USH2A: variants seen among roughly 807,000 people sequenced by gnomAD.
USH2A encodes the protein usherin.
A neutral mutation model predicts 538.9 loss-of-function variants in USH2A; 443 were observed. The ratio of observed to expected loss-of-function variants is 0.82; its 90% confidence interval spans 0.76 to 0.89. The LOEUF (loss-of-function observed/expected upper bound fraction) is 0.89. USH2A is among the 40% of genes least tolerant of loss of function. USH2A has a pLI of 0.00. For synonymous variants in USH2A, 2,413 were observed against 2,273.5 expected (o/e 1.06, Z -1.75); for missense variants, 6,633 against 6,324.8 (o/e 1.05, Z -1.65).
chr1:216,233,345 G>A (rs180789572), intron 13 of USH2A, among the ~76,000 whole-genome samples: 20 of 152,200 alleles, frequency 1.3e-4, no homozygotes, highest in Middle Eastern at 6.8e-3. Flanking sequence ...GTCAGGTCTC[G>A]TGACTTCCTC....
At chr1:216,121,138 A>C (rs915518044) in intron 21 of USH2A, among the ~76,000 whole-genome samples, 2 of 152,188 alleles carry the variant, frequency 1.3e-5, no homozygotes, top group African/African-American at 4.8e-5. Context: ...CATAGCCAAT[A>C]ATATATATTA....
intron 61 of USH2A, among the ~76,000 whole-genome samples, chr1:215,689,895 A>T (rs1415360480): frequency 1.3e-5 from 2 of 152,220 alleles, no homozygotes; most frequent in African/African-American, 4.8e-5. Flanking sequence ...GAGACTCTTG[A>T]CAAAGGGGAA....
chr1:215,625,637 T>G lies in USH2A; in HGVS notation c.*144A>C. Reference sequence around the variant, plus strand: ...TTAGACCTCTATTAGGAAGGAACACTTTCAAAAACAGTCATCATTTCTTTA... The same window carrying G: ...TTAGACCTCTATTAGGAAGGAACACGTTCAAAAACAGTCATCATTTCTTTA... On this transcript the variant is annotated 3_prime_UTR_variant, in exon 72 of 72. Transcript: ENST00000307340. 1.3e-6 allele frequency: 1 copy of G among 787,422 alleles called. No individual in the cohort carries two copies. The highest frequency in any genetic ancestry group is 2.2e-6 in the Non-Finnish European group (1 of 454,220). The allele number at this position is 787,422 out of a possible 1,614,324, so 48.8% of individuals were successfully genotyped here.
chr1:216,093,173 C>G (rs2032346517), intron 22 of USH2A, among the ~76,000 whole-genome samples: 2 of 151,926 alleles, frequency 1.3e-5, no homozygotes, highest in African/African-American at 4.8e-5. Flanking sequence ...CCATCTTAGC[C>G]AGGCTGGTCT....
At chr1:216,400,057 A>G (rs1349599216) in intron 3 of USH2A, among the ~76,000 whole-genome samples, 1 of 152,160 alleles carries the variant, frequency 6.6e-6, no homozygotes, top group African/African-American at 2.4e-5. Context: ...ACTTGAATGA[A>G]AGAAGAAGAT....
intron 14 of USH2A, among the ~76,000 whole-genome samples, chr1:216,224,437 G>A (rs997706654): frequency 1.2e-4 from 19 of 152,090 alleles, no homozygotes; most frequent in African/African-American, 4.6e-4. Flanking sequence ...TTTCGATACT[G>A]ATTAAATCAT....
At chr1:216,076,270 C>T (rs534242977) in intron 27 of USH2A, among the ~76,000 whole-genome samples, 1 of 152,208 alleles carries the variant, frequency 6.6e-6, no homozygotes, top group South Asian at 2.1e-4. Flanking sequence ...TGTTTTGAGA[C>T]CACTGATATG....
Position 215,680,464 on chromosome 1 carries a change from C to A in USH2A, c.12067-88G>T. ...AAAGTCATTCTCTGAACCTCATGGC[C>A]AAAGCTTGTAGGCAACAGCAGCGCA... On this transcript the variant is annotated intron_variant, in intron 61 of 71. Coordinates refer to ENST00000307340, the MANE Select transcript of USH2A (RefSeq NM_206933.4). 4 of 1,353,730 alleles carry A rather than the reference C, an allele frequency of 3.0e-6. No individual in the cohort carries two copies. In the South Asian group the frequency reaches 4.8e-5, roughly 16 times the overall value. 83.9% of individuals were successfully genotyped at this position (1,353,730 alleles called of 1,614,324 possible). A position where few individuals can be genotyped will look rare whatever the true frequency, so the allele number is the denominator to read the frequency against.
chr1:216,094,947 C>T (rs904731294), intron 22 of USH2A, among the ~76,000 whole-genome samples: 2 of 140,868 alleles, frequency 1.4e-5, no homozygotes, highest in Non-Finnish European at 3.1e-5. Flanking sequence ...AGTTTATGTG[C>T]GTGTGTAGGT....
At chr1:216,124,277 C>T (rs1571980355) in intron 21 of USH2A, among the ~76,000 whole-genome samples, 1 of 151,974 alleles carries the variant, frequency 6.6e-6, no homozygotes, top group African/African-American at 2.4e-5. Context: ...ATTCAGACAA[C>T]AATATATTAG....
intron 21 of USH2A, among the ~76,000 whole-genome samples, chr1:216,165,009 C>T (rs2034138107): frequency 6.6e-6 from 1 of 152,122 alleles, no homozygotes; most frequent in African/African-American, 2.4e-5. Flanking sequence ...CCTGGGGAGT[C>T]TGACTCCAGA....
chr1:215,934,854 T>C (rs1666454707), intron 37 of USH2A, 59 bp from the exon 38 acceptor site: 2 of 1,469,560 alleles, frequency 1.4e-6, no homozygotes, highest in Admixed American at 3.8e-5. Flanking sequence ...TTCCTGCTAT[T>C]ATTTGAGTAT....
At chr1:215,953,462 G>A (rs1184791852) in intron 37 of USH2A, among the ~76,000 whole-genome samples, 14 of 152,234 alleles carry the variant, frequency 9.2e-5, no homozygotes, top group Middle Eastern at 3.4e-3. Context: ...AAGAAATGGG[G>A]AAAGGATTCC....
intron 47 of USH2A, among the ~76,000 whole-genome samples, chr1:215,836,541 T>A (rs1432935486): frequency 0.018 from 421 of 23,624 alleles, 26 homozygotes; most frequent in African/African-American, 0.066. Context: ...TATATATATA[T>A]AATATATATA....
intron 56 of USH2A, among the ~76,000 whole-genome samples, chr1:215,761,529 A>G (rs144119546): frequency 1.8e-4 from 27 of 152,264 alleles, no homozygotes; most frequent in African/African-American, 6.5e-4. Flanking sequence ...TTATTCGTCA[A>G]TGTATCTCTA....
At chr1:215,941,964 A>G (rs1413071774) in intron 37 of USH2A, among the ~76,000 whole-genome samples, 1 of 152,090 alleles carries the variant, frequency 6.6e-6, no homozygotes, top group African/African-American at 2.4e-5. Flanking sequence ...TTAGCAACAT[A>G]CATTTAGAAT....
At chr1:215,801,961 C>A (rs1447231967) in intron 49 of USH2A, among the ~76,000 whole-genome samples, 1 of 151,536 alleles carries the variant, frequency 6.6e-6, no homozygotes, top group African/African-American at 2.4e-5. Context: ...TAAAAATGAA[C>A]CCTTGCATAT....
At chr1:216,087,925 T>C (rs2102564213) in intron 23 of USH2A, among the ~76,000 whole-genome samples, 1 of 152,224 alleles carries the variant, frequency 6.6e-6, no homozygotes, top group African/African-American at 2.4e-5. Context: ...AAGAAAGCCG[T>C]CATATTATGT....
intron 11 of USH2A, among the ~76,000 whole-genome samples, chr1:216,271,802 G>A (rs1335799978): frequency 1.3e-5 from 2 of 151,932 alleles, no homozygotes; most frequent in Non-Finnish European, 2.9e-5. Flanking sequence ...CTATTTATGT[G>A]GCTTACTACA....
Sources: gnomAD v4.1 joint callset for allele counts (sites outside exome capture counted in the v4.1 genomes callset) on GRCh38, gnomAD v4.1.1 for gene constraint, MANE v1.5 for transcripts, NCBI Gene and HGNC (gene_info 2026-07-23, HGNC 2026-07-21) for gene names.